Variants in HTR1D observed in about 807,000 individuals in gnomAD.
HTR1D encodes 5-hydroxytryptamine receptor 1D.
In HTR1D, 18 loss-of-function variants were observed where a neutral mutation model predicts 21.1. That is an observed-to-expected ratio of 0.85 (90% CI 0.59 to 1.27). HTR1D has a LOEUF of 1.27. Among genes scored for constraint, HTR1D ranks in the 50% most tolerant of loss-of-function variants. The probability of loss-of-function intolerance (pLI) is 0.00; values close to 1 mark genes in which losing one functional copy is unlikely to be tolerated. For synonymous variants in HTR1D, 196 were observed against 204.4 expected (o/e 0.96, Z 0.35); for missense variants, 456 against 481.4 (o/e 0.95, Z 0.49).
intron 1 of HTR1D, among the ~76,000 whole-genome samples, chr1:23,202,161 A>G (rs1165968443): frequency 6.6e-6 from 1 of 151,380 alleles, no homozygotes; most frequent in Non-Finnish European, 1.5e-5. Context: ...TAGTGACCCA[A>G]TCTCAGCTCA....
At chr1:23,211,595 A>T (rs1644753476) in intron 1 of HTR1D, among the ~76,000 whole-genome samples, 1 of 151,940 alleles carries the variant, frequency 6.6e-6, no homozygotes, top group Non-Finnish European at 1.5e-5. Context: ...CCTGCAATAC[A>T]CTCCAAATCC....
At chr1:23,214,509 T>C (rs914930649) in intron 1 of HTR1D, among the ~76,000 whole-genome samples, 9 of 152,218 alleles carry the variant, frequency 5.9e-5, no homozygotes, top group African/African-American at 2.2e-4. Context: ...AAAACTCCCA[T>C]GGCTTACAAG....
At position 23,194,943 on chromosome 1, in the gene HTR1D, G is replaced by A. The variant is rs1644682214; in HGVS notation, c.-724C>T. Among the ~76,000 whole-genome samples, 1 of 152,092 alleles carries A rather than the reference G, an allele frequency of 6.6e-6. No homozygotes were observed. Among genetic ancestry groups the A allele is most frequent in the Admixed American group, 6.6e-5 (1 of 15,252 alleles). ...AAGACTCGAAGAATGCATAAGCTGGGACCAGGCAAAACAAACAGATCACTG... is the reference window on the plus strand; with the variant it reads ...AAGACTCGAAGAATGCATAAGCTGGAACCAGGCAAAACAAACAGATCACTG... On this transcript the variant is annotated 5_prime_UTR_variant, in exon 2 of 2. Coordinates refer to ENST00000374619, the MANE Select transcript of HTR1D (RefSeq NM_000864.5).
At chr1:23,213,899 T>A (rs1489890448) in intron 1 of HTR1D, among the ~76,000 whole-genome samples, 1 of 152,058 alleles carries the variant, frequency 6.6e-6, no homozygotes, top group African/African-American at 2.4e-5. Context: ...AGCTACCTCC[T>A]CCAGGAAGTC....
chr1:23,200,030 T>C (rs563825555), intron 1 of HTR1D, among the ~76,000 whole-genome samples: 1 of 152,276 alleles, frequency 6.6e-6, no homozygotes, highest in East Asian at 1.9e-4. Context: ...TCTCAATCTA[T>C]TTTGTATATT....
Position 23,193,830 on chromosome 1 carries a change from A to G in HTR1D, c.390T>C (p.Cys130=). The G allele has an allele frequency of 6.2e-7, 1 of 1,614,248 alleles. No individual in the cohort carries two copies. The highest frequency in any genetic ancestry group is 1.6e-4 in the Middle Eastern group (1 of 6,062). The change falls in exon 2 of 2, where the codon TGT becomes TGC. Residue 130 remains cysteine (C), a synonymous_variant. Coordinates refer to ENST00000374619, the MANE Select transcript of HTR1D (RefSeq NM_000864.5). ...CCCAGTACCTGTCCAGAGCAATGACACAGAGATGCAGGATGGAGGCTGTGC... is the reference window on the plus strand; with the variant it reads ...CCCAGTACCTGTCCAGAGCAATGACGCAGAGATGCAGGATGGAGGCTGTGC... ...TCCTASILHL[C]VIALDRYWAI...
intron 1 of HTR1D, among the ~76,000 whole-genome samples, chr1:23,211,143 C>T (rs146618767): frequency 0.012 from 1,826 of 152,288 alleles, 25 homozygotes; most frequent in African/African-American, 0.041. Flanking sequence ...ACTGAACTCA[C>T]GTGTCAGCTC....
rs540876211 is a variant in HTR1D at position 23,212,589 on chromosome 1, G to A, written c.-783+4702C>T. Among the ~76,000 whole-genome samples, 14 of 152,292 alleles carry A rather than the reference G, an allele frequency of 9.2e-5. No homozygotes were observed. In the South Asian group the frequency reaches 2.9e-3, roughly 32 times the overall value. On this transcript the variant is annotated intron_variant, in intron 1 of 1. Transcript: ENST00000374619. ...GTGGTCTGTCTCCCCATAAGATGGT[G>A]CATTCCCAAGGCAGGGATACGGCTT...
At position 23,194,065 on chromosome 1, in the gene HTR1D, G is replaced by A. The variant is rs1412543289; in HGVS notation, c.155C>T (p.Thr52Ile). The A allele has an allele frequency of 6.2e-7, 1 of 1,614,206 alleles. No homozygotes were observed. Among genetic ancestry groups the A allele is most frequent in the Non-Finnish European group, 8.5e-7 (1 of 1,180,038 alleles). Residue 52 changes from threonine (T) to isoleucine (I), a missense_variant, in exon 2 of 2, where the codon ACA (threonine) becomes ATA (isoleucine). Thr to Ile is a moderately conservative substitution (Grantham distance 89, BLOSUM62 -1). Coordinates refer to ENST00000374619, the MANE Select transcript of HTR1D (RefSeq NM_000864.5). ...AVVLSVITLATVLSNAFVLTT... is the reference protein window; with the variant it reads ...AVVLSVITLAIVLSNAFVLTT... ...GAGTACAAAGGCATTGGAGAGGACT[G>A]TGGCCAGTGTGATGACGGAAAGGAC...
At chr1:23,208,405 C>G (rs1048850313) in intron 1 of HTR1D, among the ~76,000 whole-genome samples, 1 of 152,042 alleles carries the variant, frequency 6.6e-6, no homozygotes, top group Non-Finnish European at 1.5e-5. Flanking sequence ...AACCCTGTCT[C>G]TAATAAAAAT....
Position 23,193,588 on chromosome 1 carries a change from AC to A in HTR1D, c.631del (p.Val211CysfsTer19). 1 of 1,614,122 alleles carries A rather than the reference AC, an allele frequency of 6.2e-7. No individual in the cohort carries two copies. The highest frequency in any genetic ancestry group is 8.5e-7 in the Non-Finnish European group (1 of 1,179,980). On this transcript the variant is annotated frameshift_variant, in exon 2 of 2. Coordinates refer to ENST00000374619, the MANE Select transcript of HTR1D (RefSeq NM_000864.5). LOFTEE classifies it high-confidence loss of function. The part of the protein sequence containing the change: ...STCGAFYIPS[V>X]LLIILYGRIY... ...CCGGCCATATAGGATGATGAGCAAC[AC>A]CGAGGGAATGTAGAAGGCCCCACAG...
chr1:23,204,658 A>T (rs1340014332), intron 1 of HTR1D, among the ~76,000 whole-genome samples: 1 of 152,210 alleles, frequency 6.6e-6, no homozygotes, highest in Non-Finnish European at 1.5e-5. Flanking sequence ...GGCCAACAGA[A>T]TGAGGCAGAA....
chr1:23,213,981 T>C (rs1002045458), intron 1 of HTR1D, among the ~76,000 whole-genome samples: 1 of 152,206 alleles, frequency 6.6e-6, no homozygotes, highest in African/African-American at 2.4e-5. Flanking sequence ...TTTGTGTCTC[T>C]CATTGCCTAC....
chr1:23,214,897 T>G (rs1644767296), intron 1 of HTR1D, among the ~76,000 whole-genome samples: 1 of 151,730 alleles, frequency 6.6e-6, no homozygotes, highest in African/African-American at 2.4e-5. Flanking sequence ...TGCATAGAGG[T>G]GATAACTAAA....
Position 23,194,361 on chromosome 1 carries a change from A to C in HTR1D, c.-142T>G. 1 of 645,196 alleles carries C rather than the reference A, an allele frequency of 1.5e-6. No homozygotes were observed. Among genetic ancestry groups the C allele is most frequent in the Non-Finnish European group, 2.8e-6 (1 of 360,828 alleles). 40.0% of individuals were successfully genotyped at this position (645,196 alleles called of 1,614,324 possible). On this transcript the variant is annotated 5_prime_UTR_variant, in exon 2 of 2. Transcript: ENST00000374619. ...GAACAGACCACAGTGAAAAGGTCTC[A>C]AGACCAGACTATTCTCTAAGTACAG...
At chr1:23,208,529 C>T (rs747869196) in intron 1 of HTR1D, among the ~76,000 whole-genome samples, 56 of 151,534 alleles carry the variant, frequency 3.7e-4, no homozygotes, top group Non-Finnish European at 4.9e-4. Flanking sequence ...CGAGATCATG[C>T]CATTGCACTC....
In HTR1D at chr1:23,194,890, C is replaced by T. The variant is rs1019661032; in HGVS notation, c.-671G>A. On this transcript the variant is annotated 5_prime_UTR_variant, in exon 2 of 2. Transcript: ENST00000374619. ...TCCTATCCCACTGATCGTTTTAGAGCCTGAACAGACAAAACATCCTGGTTA... is the reference window on the plus strand; with the variant it reads ...TCCTATCCCACTGATCGTTTTAGAGTCTGAACAGACAAAACATCCTGGTTA... Among the ~76,000 whole-genome samples the T allele has an allele frequency of 4.6e-5, 7 of 152,214 alleles. No homozygotes were observed. The highest frequency in any genetic ancestry group is 1.7e-4 in the African/African-American group (7 of 41,520).
chr1:23,199,374 C>T lies in HTR1D; in HGVS notation c.-782-4373G>A, dbSNP rs942876743. On this transcript the variant is annotated intron_variant, in intron 1 of 1. Transcript: ENST00000374619. ...CAAGCAATTCTCCCACCTTGGCCTT[C>T]TAAAGTGCTGGGATTACAGGTGTGA... is the stretch of plus-strand genomic sequence containing the variant. 1.0e-4 allele frequency among the ~76,000 whole-genome samples: 14 copies of T among 139,886 alleles called. No homozygotes were observed. The East Asian group carries it at 3.3e-3, about 33-fold the overall frequency. 91.8% of individuals were successfully genotyped at this position (139,886 alleles called of 152,430 possible).
At chr1:23,210,214 AC>A (rs1644748601) in intron 1 of HTR1D, among the ~76,000 whole-genome samples, 1 of 152,096 alleles carries the variant, frequency 6.6e-6, no homozygotes, top group Admixed American at 6.6e-5. Context: ...AGTAGCTGGG[AC>A]TACAGGTATG....
Sources: allele counts gnomAD v4.1 joint callset (sites outside exome capture counted in the v4.1 genomes callset), GRCh38; gene constraint gnomAD v4.1.1; transcripts MANE v1.5; gene names NCBI Gene and HGNC (gene_info 2026-07-23, HGNC 2026-07-21).